The following CSGALNACT1 variants were observed in gnomAD, a reference collection of about 807,000 sequenced individuals.
The protein encoded by CSGALNACT1 is chondroitin sulfate N-acetylgalactosaminyltransferase 1, also known as beta4GalNAcT-1.
In CSGALNACT1, 52 loss-of-function variants were observed where a neutral mutation model predicts 51.0. That is an observed-to-expected ratio of 1.02 (90% CI 0.82 to 1.29). The LOEUF (loss-of-function observed/expected upper bound fraction) is 1.29, where lower values mean the gene tolerates loss of function less well. CSGALNACT1 is among the 50% of genes most tolerant of loss of function. CSGALNACT1 has a pLI of 0.00. For missense variants in CSGALNACT1, 935 were observed against 679.2 expected (o/e 1.38, Z -4.19); for synonymous variants, 341 against 254.4 (o/e 1.34, Z -3.24).
At chr8:19,500,562 G>C (rs1162918301) in intron 4 of CSGALNACT1, among the ~76,000 whole-genome samples, 1 of 152,142 alleles carries the variant, frequency 6.6e-6, no homozygotes, top group Non-Finnish European at 1.5e-5. Context: ...AATTCTATTT[G>C]ACTCATCCAG....
chr8:19,421,250 C>T (rs1334085454), intron 6 of CSGALNACT1, among the ~76,000 whole-genome samples: 1 of 152,234 alleles, frequency 6.6e-6, no homozygotes, highest in African/African-American at 2.4e-5. Context: ...GTATACAGCA[C>T]TCTGTAAGCA....
chr8:19,705,038 T>A (rs969343688), intron 1 of CSGALNACT1, among the ~76,000 whole-genome samples: 2 of 152,228 alleles, frequency 1.3e-5, no homozygotes, highest in Non-Finnish European at 2.9e-5. Context: ...TTAATACACG[T>A]ATTGCCCACT....
At chr8:19,577,834 G>A (rs1388523289) in intron 3 of CSGALNACT1, among the ~76,000 whole-genome samples, 1 of 152,164 alleles carries the variant, frequency 6.6e-6, no homozygotes. Flanking sequence ...AGAGGCGGCT[G>A]AGATGCCTCC....
At chr8:19,499,175 C>T (rs1462772306) in intron 4 of CSGALNACT1, among the ~76,000 whole-genome samples, 2 of 152,192 alleles carry the variant, frequency 1.3e-5, no homozygotes, top group Non-Finnish European at 2.9e-5. Context: ...AATCCTCTGA[C>T]CGACCCATAT....
At chr8:19,536,050 C>T (rs1444135208) in intron 3 of CSGALNACT1, among the ~76,000 whole-genome samples, 1 of 152,088 alleles carries the variant, frequency 6.6e-6, no homozygotes, top group African/African-American at 2.4e-5. Flanking sequence ...TTGCAGAAGA[C>T]ATGATCTATA....
intron 1 of CSGALNACT1, among the ~76,000 whole-genome samples, chr8:19,702,370 A>G (rs1210071665): frequency 6.6e-6 from 1 of 151,874 alleles, no homozygotes; most frequent in Non-Finnish European, 1.5e-5. Context: ...AAATTTAAAT[A>G]TTAGTTGAGG....
chr8:19,749,388 C>A (rs939533186), intron 1 of CSGALNACT1, among the ~76,000 whole-genome samples: 1 of 151,536 alleles, frequency 6.6e-6, no homozygotes, highest in African/African-American at 2.4e-5. Context: ...GCTTCTCTTG[C>A]ACCTGGGCAG....
intron 4 of CSGALNACT1, among the ~76,000 whole-genome samples, chr8:19,478,656 G>C (rs1360281715): frequency 6.6e-6 from 1 of 152,022 alleles, no homozygotes; most frequent in South Asian, 2.1e-4. Flanking sequence ...ATAACATATT[G>C]CTCCTCTTCA....
intron 3 of CSGALNACT1, among the ~76,000 whole-genome samples, chr8:19,514,746 T>C (rs1448875682): frequency 1.3e-5 from 2 of 150,012 alleles, no homozygotes; most frequent in Non-Finnish European, 3.0e-5. Context: ...GGAAGGAAAA[T>C]CACTTGAACC....
chr8:19,661,497 G>C (rs1055624109), intron 1 of CSGALNACT1, among the ~76,000 whole-genome samples: 1 of 152,196 alleles, frequency 6.6e-6, no homozygotes, highest in Non-Finnish European at 1.5e-5. Flanking sequence ...CTTGTATGAG[G>C]GTTGGTATTC....
chr8:19,725,512 C>T (rs549678123), intron 1 of CSGALNACT1, among the ~76,000 whole-genome samples: 21 of 149,986 alleles, frequency 1.4e-4, no homozygotes, highest in African/African-American at 4.9e-4. Flanking sequence ...GAAACCTCTG[C>T]CTTCCGGTTT....
At chr8:19,666,951 GAA>G (rs1321535442) in intron 1 of CSGALNACT1, among the ~76,000 whole-genome samples, 4 of 14,262 alleles carry the variant, frequency 2.8e-4, no homozygotes, top group African/African-American at 1.6e-3. Context: ...GAAAAAGAAA[GAA>G]AGAAAGAAAG....
chr8:19,568,054 C>T (rs2154105680), intron 3 of CSGALNACT1, among the ~76,000 whole-genome samples: 1 of 152,234 alleles, frequency 6.6e-6, no homozygotes, highest in East Asian at 1.9e-4. Context: ...TGGATGTAAT[C>T]ATCCACCATA....
At position 19,699,260 on chromosome 8, in the gene CSGALNACT1, C is replaced by T. The variant is rs75032688; in HGVS notation, c.-297+58590G>A. 1.1e-4 allele frequency among the ~76,000 whole-genome samples: 16 copies of T among 152,162 alleles called. No individual in the cohort carries two copies. In the East Asian group the frequency reaches 3.1e-3, roughly 29 times the overall value. Reference sequence around the variant, plus strand: ...ATTTTCAGGTCACAGTTGGTTGAATCCACAGATGCAGAACCCACAAGGCCA... The same window carrying T: ...ATTTTCAGGTCACAGTTGGTTGAATTCACAGATGCAGAACCCACAAGGCCA... On this transcript the variant is annotated intron_variant, in intron 1 of 1. Transcript: ENST00000517494.
intron 1 of CSGALNACT1, among the ~76,000 whole-genome samples, chr8:19,646,968 A>G (rs2057336425): frequency 6.6e-6 from 1 of 152,172 alleles, no homozygotes; most frequent in Non-Finnish European, 1.5e-5. Flanking sequence ...GAATACATGC[A>G]TGACCTCCTT....
chr8:19,549,541 G>C (rs1263564703), intron 3 of CSGALNACT1, among the ~76,000 whole-genome samples: 1 of 151,258 alleles, frequency 6.6e-6, no homozygotes, highest in Non-Finnish European at 1.5e-5. Flanking sequence ...TCATCCCCTG[G>C]TCCAATCAAG....
chr8:19,666,696 G>A (rs1234993395), intron 1 of CSGALNACT1, among the ~76,000 whole-genome samples: 2 of 147,388 alleles, frequency 1.4e-5, no homozygotes, highest in East Asian at 2.0e-4. Flanking sequence ...AGACTGTCCC[G>A]GGAGAGAAAG....
At chr8:19,657,910 C>T (rs1276655997) in intron 1 of CSGALNACT1, among the ~76,000 whole-genome samples, 1 of 151,936 alleles carries the variant, frequency 6.6e-6, no homozygotes, top group Non-Finnish European at 1.5e-5. Context: ...GTTAGATGGC[C>T]TGGGGGCAGA....
At chr8:19,405,682 T>G in exon 10 of CSGALNACT1, 2 of 1,491,102 alleles carry the variant, frequency 1.3e-6, no homozygotes, top group Non-Finnish European at 1.9e-6. Context: ...AGTCCAATTC[T>G]TTTGTCGTCC....
Sources: gnomAD v4.1 joint callset for allele counts (sites outside exome capture counted in the v4.1 genomes callset) on GRCh38, gnomAD v4.1.1 for gene constraint, MANE v1.5 for transcripts, NCBI Gene and HGNC (gene_info 2026-07-23, HGNC 2026-07-21) for gene names.